Variants in ADAMTS6 observed in about 807,000 individuals in gnomAD.
ADAMTS6 encodes the protein A disintegrin and metalloproteinase with thrombospondin motifs 6.
ADAMTS6 carries 23 observed loss-of-function variants against 144.3 expected under a neutral mutation model. The ratio of observed to expected loss-of-function variants is 0.16; its 90% CI spans 0.11 to 0.23. The LOEUF is 0.23. Among genes scored for constraint, ADAMTS6 ranks in the 10% least tolerant of loss-of-function variants. The pLI, the probability that ADAMTS6 is intolerant of heterozygous loss-of-function variation, is 1.00. For synonymous variants in ADAMTS6, 444 were observed against 457.5 expected, an observed-to-expected ratio of 0.97 and a Z score of 0.38; for missense variants, 999 against 1,379.6, an observed-to-expected ratio of 0.72 and a Z score of 4.37.
intron 3 of ADAMTS6, among the ~76,000 whole-genome samples, chr5:65,469,252 T>C (rs1760251822): frequency 6.6e-6 from 1 of 152,206 alleles, no homozygotes. Flanking sequence ...TGCCATAGTC[T>C]TCGAATAGGC....
At chr5:65,164,795 T>C (rs1357715826) in intron 24 of ADAMTS6, among the ~76,000 whole-genome samples, 649 of 111,464 alleles carry the variant, frequency 5.8e-3, no homozygotes, top group Middle Eastern at 0.026. Flanking sequence ...CTGCAGGGTA[T>C]TCCAACAGAC....
intron 20 of ADAMTS6, among the ~76,000 whole-genome samples, chr5:65,200,299 A>G (rs1170539891): frequency 2.0e-5 from 3 of 152,206 alleles, no homozygotes; most frequent in Non-Finnish European, 4.4e-5. Context: ...AATTAAGGAA[A>G]ATGCAGCTTT....
At chr5:65,429,791 T>C (rs941926936) in intron 7 of ADAMTS6, among the ~76,000 whole-genome samples, 13 of 152,126 alleles carry the variant, frequency 8.5e-5, no homozygotes, top group African/African-American at 3.1e-4. Flanking sequence ...ACATATCTGA[T>C]ATAGAAAATA....
chr5:65,404,948 G>C (rs968456765), intron 7 of ADAMTS6, among the ~76,000 whole-genome samples: 29 of 152,172 alleles, frequency 1.9e-4, no homozygotes, highest in Non-Finnish European at 3.1e-4. Flanking sequence ...GTCTTCTTTT[G>C]AGAAGTGTCT....
At chr5:65,322,614 C>T (rs1745736678) in intron 9 of ADAMTS6, among the ~76,000 whole-genome samples, 1 of 119,614 alleles carries the variant, frequency 8.4e-6, no homozygotes, top group African/African-American at 3.2e-5. Context: ...TAGCTGTATT[C>T]CTAGGTATTT....
chr5:65,332,312 T>TATATATAGAGAG (rs1384467152), intron 8 of ADAMTS6, among the ~76,000 whole-genome samples: 1 of 102,090 alleles, frequency 9.8e-6, no homozygotes, highest in African/African-American at 3.4e-5. Context: ...TATATATATA[T>TATATATAGAGAG]AGAGAGAGAG....
chr5:65,432,555 C>A (rs1291153576), intron 7 of ADAMTS6, among the ~76,000 whole-genome samples: 1 of 152,038 alleles, frequency 6.6e-6, no homozygotes, highest in Non-Finnish European at 1.5e-5. Context: ...ATTCTCCACA[C>A]CCCTGCCAGG....
chr5:65,201,693 C>T (rs1755747380), intron 20 of ADAMTS6, among the ~76,000 whole-genome samples: 1 of 152,236 alleles, frequency 6.6e-6, no homozygotes, highest in East Asian at 1.9e-4. Context: ...GATGGGCTAA[C>T]CAACATCTAA....
At chr5:65,377,706 G>C (rs545792470) in intron 7 of ADAMTS6, among the ~76,000 whole-genome samples, 34 of 152,250 alleles carry the variant, frequency 2.2e-4, no homozygotes, top group African/African-American at 7.7e-4. Context: ...GGGAGGGATG[G>C]TAAGAAAGAA....
intron 7 of ADAMTS6, among the ~76,000 whole-genome samples, chr5:65,441,926 C>T (rs555375129): frequency 2.6e-5 from 4 of 151,084 alleles, no homozygotes; most frequent in Admixed American, 2.0e-4. Context: ...TTGTGAGATG[C>T]GATAAAGCTA....
At chr5:65,340,877 C>T (rs1022069463) in intron 7 of ADAMTS6, among the ~76,000 whole-genome samples, 9 of 151,846 alleles carry the variant, frequency 5.9e-5, no homozygotes, top group African/African-American at 1.5e-4. Flanking sequence ...GGGATCAATT[C>T]GGCAAGAGAA....
chr5:65,277,375 C>T (rs1270630633), intron 11 of ADAMTS6, among the ~76,000 whole-genome samples: 1 of 152,088 alleles, frequency 6.6e-6, no homozygotes. Flanking sequence ...ATTGGTATTG[C>T]TCTATGATAA....
intron 20 of ADAMTS6, among the ~76,000 whole-genome samples, chr5:65,203,107 T>G (rs1319919186): frequency 1.3e-5 from 2 of 152,180 alleles, no homozygotes; most frequent in Non-Finnish European, 2.9e-5. Context: ...TTGTTTCAAG[T>G]GCCTAAGTTT....
At chr5:65,347,197 T>A (rs545328537) in intron 7 of ADAMTS6, among the ~76,000 whole-genome samples, 14 of 151,126 alleles carry the variant, frequency 9.3e-5, no homozygotes, top group African/African-American at 3.2e-4. Flanking sequence ...AAAAAAAAAA[T>A]TCCTAAAATT....
chr5:65,311,172 A>G (rs115210862), intron 9 of ADAMTS6, among the ~76,000 whole-genome samples: 53 of 152,280 alleles, frequency 3.5e-4, no homozygotes, highest in African/African-American at 1.2e-3. Context: ...TCTGCTGACT[A>G]ACTGTAAACC....
Position 65,169,725 on chromosome 5 carries a change from T to C in ADAMTS6, c.3244+892A>G, listed in dbSNP as rs1421676115. 2.6e-5 allele frequency among the ~76,000 whole-genome samples: 4 copies of C among 151,930 alleles called. No homozygotes were observed. In the East Asian group the frequency reaches 7.7e-4, roughly 29 times the overall value. On this transcript the variant is annotated intron_variant, in intron 24 of 24. Transcript: ENST00000381055. ...GCAGACATAAAAAATGATGAGTTCATGTCCTTTGTAGGGACATGGATGAAA... is the reference window on the plus strand; with the variant it reads ...GCAGACATAAAAAATGATGAGTTCACGTCCTTTGTAGGGACATGGATGAAA...
intron 3 of ADAMTS6, among the ~76,000 whole-genome samples, chr5:65,466,302 G>A (rs564098697): frequency 1.3e-5 from 2 of 152,132 alleles, no homozygotes; most frequent in South Asian, 4.1e-4. Context: ...TGACCTCCAT[G>A]CTGTTCCTCA....
intron 9 of ADAMTS6, among the ~76,000 whole-genome samples, chr5:65,318,636 C>T (rs574266354): frequency 3.9e-5 from 6 of 152,092 alleles, no homozygotes; most frequent in Non-Finnish European, 8.8e-5. Flanking sequence ...CACAGAGAGA[C>T]AAACTTTGCA....
In ADAMTS6 at chr5:65,375,372, G is replaced by T. The variant is rs1316646379; in HGVS notation, c.1074-41287C>A. On this transcript the variant is annotated intron_variant, in intron 7 of 24. Coordinates refer to ENST00000381055, the MANE Select transcript of ADAMTS6 (RefSeq NM_197941.4). ...TCACAACCTACTCATCTGACAAAGG[G>T]CTAATATCCAGAATCTACAATGAAC... Among the ~76,000 whole-genome samples, 24 of 151,582 alleles carry T rather than the reference G, an allele frequency of 1.6e-4. No homozygotes were observed. In the East Asian group the frequency reaches 4.1e-3, roughly 26 times the overall value.
Sources: gnomAD v4.1 joint callset for allele counts (sites outside exome capture counted in the v4.1 genomes callset) on GRCh38, gnomAD v4.1.1 for gene constraint, MANE v1.5 for transcripts, NCBI Gene and HGNC (gene_info 2026-07-23, HGNC 2026-07-21) for gene names.